The following DNMT3B variants were observed in gnomAD, a reference collection of about 807,000 sequenced individuals.
The protein encoded by DNMT3B is DNA methyltransferase 3 beta, also known as DNA (cytosine-5)-methyltransferase 3B.
In DNMT3B, 37 loss-of-function variants were observed where a neutral mutation model predicts 120.2. The ratio of observed to expected loss-of-function variants is 0.31; its 90% confidence interval spans 0.24 to 0.40. DNMT3B has a LOEUF of 0.40. Ranked by LOEUF, DNMT3B falls within the 10% of genes least tolerant of loss-of-function variation. DNMT3B has a pLI of 1.00. For missense variants in DNMT3B, 878 were observed against 1,137.3 expected (o/e 0.77, Z 3.28); for synonymous variants, 412 against 442.8 (o/e 0.93, Z 0.87).
At chr20:32,790,161 T>C (rs143163007) in intron 7 of DNMT3B, among the ~76,000 whole-genome samples, 56 of 152,248 alleles carry the variant, frequency 3.7e-4, no homozygotes, top group African/African-American at 1.3e-3. Context: ...TACAATAATA[T>C]ATTGGGTGTG....
At chr20:32,782,641 A>G (rs1978765017) in intron 3 of DNMT3B, among the ~76,000 whole-genome samples, 1 of 152,232 alleles carries the variant, frequency 6.6e-6, no homozygotes, top group Non-Finnish European at 1.5e-5. Flanking sequence ...GCTTTTATTA[A>G]CAGTATATTG....
At position 32,788,997 on chromosome 20, in the gene DNMT3B, T is replaced by C. The variant is rs1283808255; in HGVS notation, c.798T>C (p.Asp266=). ...SGMRWVQWFG[D]GKFSEVSADK... ...TGCGGTGGGTCCAGTGGTTTGGCGA[T>C]GGCAAGTTCTCCGAGGTGAGTCCGG... is the stretch of plus-strand genomic sequence containing the variant. Residue 266 remains aspartate (D), a synonymous_variant, in exon 7 of 23, where the codon GAT becomes GAC. Transcript: ENST00000328111. 14 of 1,614,040 alleles carry C rather than the reference T, an allele frequency of 8.7e-6. No individual in the cohort carries two copies. Among genetic ancestry groups the C allele is most frequent in the African/African-American group, 5.3e-5 (4 of 74,928 alleles).
At chr20:32,783,169 CA>C (rs1458433678) in intron 3 of DNMT3B, among the ~76,000 whole-genome samples, 1 of 152,124 alleles carries the variant, frequency 6.6e-6, no homozygotes, top group Non-Finnish European at 1.5e-5. Context: ...TCAAGTGAGC[CA>C]CCTGTCCCGG....
intron 1 of DNMT3B, chr20:32,779,854 A>G: frequency 1.7e-6 from 1 of 577,736 alleles, no homozygotes; most frequent in Non-Finnish European, 3.1e-6. Context: ...ATTGAGGGGA[A>G]GGGAGAGAGC....
chr20:32,788,339 C>G (rs1014218279), intron 6 of DNMT3B, among the ~76,000 whole-genome samples: 2 of 152,140 alleles, frequency 1.3e-5, no homozygotes, highest in South Asian at 2.1e-4. Flanking sequence ...ATAATAAATC[C>G]AGTGGTCTGG....
At position 32,799,280 on chromosome 20, in the gene DNMT3B, C is replaced by T. The variant is rs775949142; in HGVS notation, c.1711C>T (p.Arg571Ter). 1.2e-6 allele frequency: 2 copies of T among 1,613,490 alleles called. No individual in the cohort carries two copies. The highest frequency in any genetic ancestry group is 1.7e-6 in the Non-Finnish European group (2 of 1,179,808). Residue 571 changes from arginine (R) to a stop codon, truncating the protein, a stop_gained, in exon 16 of 23, where the codon CGA becomes TGA. Transcript: ENST00000328111. LOFTEE classifies it high-confidence loss of function. ...PKLYPAIPAARRRPIRVLSLF... is the reference protein window; with the variant it reads ...PKLYPAIPAA Reference sequence around the variant, plus strand: ...GCTGTACCCTGCCATTCCCGCAGCCCGAAGGCGGCCCATTCGAGTCCTGTC... The same window carrying T: ...GCTGTACCCTGCCATTCCCGCAGCCTGAAGGCGGCCCATTCGAGTCCTGTC...
chr20:32,805,657 A>T (rs956860807), intron 21 of DNMT3B, among the ~76,000 whole-genome samples: 1 of 152,228 alleles, frequency 6.6e-6, no homozygotes, highest in Non-Finnish European at 1.5e-5. Context: ...ACATAAAGAC[A>T]AAGAGTTTCA....
At chr20:32,768,880 G>A (rs545337109) in intron 1 of DNMT3B, among the ~76,000 whole-genome samples, 8 of 152,290 alleles carry the variant, frequency 5.3e-5, no homozygotes, top group African/African-American at 1.9e-4. Context: ...AATGGCACTG[G>A]AGGAAGAGCC....
chr20:32,773,798 A>AT (rs1050265115), intron 1 of DNMT3B, among the ~76,000 whole-genome samples: 9 of 151,786 alleles, frequency 5.9e-5, no homozygotes, highest in African/African-American at 2.2e-4. Flanking sequence ...CATTCAGCTA[A>AT]TTTTAAGAAA....
At chr20:32,798,432 C>T in intron 14 of DNMT3B, 28 bp from the exon 15 acceptor site, 1 of 1,613,856 alleles carries the variant, frequency 6.2e-7, no homozygotes, top group Non-Finnish European at 8.5e-7. Flanking sequence ...CTGACAAAGG[C>T]ATCCCTTCTC....
At chr20:32,797,758 C>A (rs1163223916) in intron 14 of DNMT3B, among the ~76,000 whole-genome samples, 1 of 151,934 alleles carries the variant, frequency 6.6e-6, no homozygotes, top group Non-Finnish European at 1.5e-5. Flanking sequence ...CTCCAGGGTA[C>A]AAGCAATTCT....
At chr20:32,802,593 G>T in intron 20 of DNMT3B, 123 bp downstream of exon 20, 1 of 1,021,328 alleles carries the variant, frequency 9.8e-7, no homozygotes, top group South Asian at 1.3e-5. Context: ...TTGGATTTCA[G>T]ACCACCTGTG....
At chr20:32,770,941 C>T (rs1438795450) in intron 1 of DNMT3B, among the ~76,000 whole-genome samples, 1 of 152,032 alleles carries the variant, frequency 6.6e-6, no homozygotes, top group Non-Finnish European at 1.5e-5. Context: ...GTTGGGGTCT[C>T]ACTTTGTTGC....
At chr20:32,800,337 T>C (rs764112959) in intron 17 of DNMT3B, 39 bp downstream of exon 17, 1 of 1,613,400 alleles carries the variant, frequency 6.2e-7, no homozygotes, top group South Asian at 1.1e-5. Context: ...CATCTCTTCC[T>C]GTCTTTTTCC....
chr20:32,764,640 C>T (rs1471303639), intron 1 of DNMT3B, among the ~76,000 whole-genome samples: 2 of 152,182 alleles, frequency 1.3e-5, no homozygotes, highest in South Asian at 2.1e-4. Flanking sequence ...TTTTAAAGCC[C>T]TCCCGGCCAC....
chr20:32,801,165 G>A, intron 18 of DNMT3B, 113 bp from the exon 19 acceptor site: 1 of 1,485,666 alleles, frequency 6.7e-7, no homozygotes, highest in Non-Finnish European at 9.3e-7. Context: ...AGACTGGTAG[G>A]CATCACCCTG....
chr20:32,765,168 T>G (rs1291252016), intron 1 of DNMT3B, among the ~76,000 whole-genome samples: 2 of 152,212 alleles, frequency 1.3e-5, no homozygotes, highest in Non-Finnish European at 2.9e-5. Context: ...TACTACTAAT[T>G]GAGTGGAGTT....
chr20:32,767,005 G>A (rs1987411735), intron 1 of DNMT3B, among the ~76,000 whole-genome samples: 1 of 151,954 alleles, frequency 6.6e-6, no homozygotes, highest in Non-Finnish European at 1.5e-5. Flanking sequence ...ATTCTCCTGC[G>A]TCAGCCTCCT....
At position 32,807,745 on chromosome 20, in the gene DNMT3B, C is replaced by T. The variant is rs1429921963; in HGVS notation, c.2421-17C>T. On this transcript the variant is annotated splice_polypyrimidine_tract_variant and intron_variant, in intron 22 of 22. Coordinates refer to ENST00000328111, the MANE Select transcript of DNMT3B (RefSeq NM_006892.4). The stretch of plus-strand genomic sequence containing the variant: ...AGGCACTTCTGACTTGCTGTCTTTT[C>T]ACTCCGGTACCCCCAGGATCTTTGG... The T allele has an allele frequency of 6.2e-7, 1 of 1,613,748 alleles. No individual in the cohort carries two copies. Among genetic ancestry groups the T allele is most frequent in the African/African-American group, 1.3e-5 (1 of 74,910 alleles).
Sources: allele counts gnomAD v4.1 joint callset (sites outside exome capture counted in the v4.1 genomes callset), GRCh38; gene constraint gnomAD v4.1.1; transcripts MANE v1.5; gene names NCBI Gene and HGNC (gene_info 2026-07-23, HGNC 2026-07-21).